ANKS3: variants seen among roughly 807,000 people sequenced by gnomAD.
ANKS3 encodes ankyrin repeat and SAM domain-containing protein 3.
A neutral mutation model predicts 80.7 loss-of-function variants in ANKS3; 62 were observed. The ratio of observed to expected loss-of-function variants is 0.77; its 90% confidence interval spans 0.63 to 0.95. The LOEUF (loss-of-function observed/expected upper bound fraction) is 0.95. Among genes scored for constraint, ANKS3 ranks in the 40% least tolerant of loss-of-function variants. ANKS3 has a pLI of 0.00. For missense variants in ANKS3, 1,150 were observed against 883.6 expected, an observed-to-expected ratio of 1.30 and a Z score of -3.82; for synonymous variants, 489 against 355.3, an observed-to-expected ratio of 1.38 and a Z score of -4.23.
Position 4,733,987 on chromosome 16 carries a change from A to G in ANKS3, c.-120T>C. 4 of 985,484 alleles carry G rather than the reference A, an allele frequency of 4.1e-6. No homozygotes were observed. The South Asian group carries it at 1.9e-4, about 46-fold the overall frequency. The allele number at this position is 985,484 out of a possible 1,614,324, so 61.0% of individuals were successfully genotyped here. On this transcript the variant is annotated 5_prime_UTR_variant, in exon 1 of 18. It removes the in-frame stop codon of an upstream open reading frame in the 5' UTR. Transcript: ENST00000304283. ...CCGGCCACATCCCCACAGGAACGCT[A>G]CGGCGCACAGGGCATTACTGTGCCC...
At chr16:4,726,515 G>T in intron 5 of ANKS3, 144 bp downstream of exon 5, 1 of 774,894 alleles carries the variant, frequency 1.3e-6, no homozygotes, top group South Asian at 1.8e-5. Flanking sequence ...TGCCTGGAAG[G>T]ACTCTGGTCC....
chr16:4,698,462 C>T lies in ANKS3; in HGVS notation c.1689G>A (p.Leu563=). The change falls in exon 14 of 18, where the codon CTG becomes CTA. Residue 563 remains leucine (L), a synonymous_variant. Coordinates refer to ENST00000304283, the MANE Select transcript of ANKS3 (RefSeq NM_133450.4). ...CCAGGACGAGGGCAGCATCCCGGGC[C>T]AGGGCCCACGTCTCCCGCAGCCGGG... ...LQARLRETWA[L]ARDAALVLDQ... The T allele has an allele frequency of 1.3e-6, 2 of 1,543,224 alleles. No homozygotes were observed. Among genetic ancestry groups the T allele is most frequent in the East Asian group, 2.4e-5 (1 of 42,014 alleles).
chr16:4,701,418 A>C lies in ANKS3; in HGVS notation c.1119+16T>G, dbSNP rs775894970. 3.8e-6 allele frequency: 6 copies of C among 1,580,906 alleles called. 1 individual carries two copies. The East Asian group carries it at 1.1e-4, about 30-fold the overall frequency. ...AGGGACCGGCTATGGGAGACCAAGA[A>C]AGAAAGAATCCGTACCTCGTTGCTC... On this transcript the variant is annotated intron_variant, in intron 10 of 17. Transcript: ENST00000304283.
intron 11 of ANKS3, chr16:4,699,957 A>AAGAAACATACTTAGGACACTACCCTGACC (rs1308441776): frequency 6.6e-6 from 1 of 152,346 alleles, no homozygotes; most frequent in African/African-American, 2.4e-5. Flanking sequence ...TATTTTCTGA[A>AAGAAACATACTTAGGACACTACCCTGACC]AGAAACATAC....
In ANKS3 at chr16:4,696,914, G is replaced by A. The variant is rs542470268; in HGVS notation, c.*12-18C>T. On this transcript the variant is annotated intron_variant, in intron 17 of 17. Coordinates refer to ENST00000304283, the MANE Select transcript of ANKS3 (RefSeq NM_133450.4). ...GTCAGATTCTGAAAGAAAAAGCCCCGGTGAGAAGGGAGGGGGACAGGTGGG... is the reference window on the plus strand; with the variant it reads ...GTCAGATTCTGAAAGAAAAAGCCCCAGTGAGAAGGGAGGGGGACAGGTGGG... 70 of 1,062,984 alleles carry A rather than the reference G, an allele frequency of 6.6e-5. No individual in the cohort carries two copies. The highest frequency in any genetic ancestry group is 6.4e-4 in the East Asian group (25 of 39,012). The allele number at this position is 1,062,984 out of a possible 1,614,324, so 65.8% of individuals were successfully genotyped here. A position where few individuals can be genotyped will look rare whatever the true frequency, so the allele number is the denominator to read the frequency against.
Position 4,699,088 on chromosome 16 carries a change from G to C in ANKS3, c.1373C>G (p.Thr458Ser). 6.2e-7 allele frequency: 1 copy of C among 1,614,172 alleles called. No individual in the cohort carries two copies. The change falls in exon 12 of 18, where the codon ACC (threonine) becomes AGC (serine). Residue 458 changes from threonine (T) to serine (S), a missense_variant. By Grantham distance (58) the Thr-to-Ser change is moderately conservative (BLOSUM62 1). Transcript: ENST00000304283. ...TTCCTTCAGGTCGCTCTCAGTGAGG[G>C]TCAGAAAGATGCGGAGGTCCACGTC... ...EQDVDLRIFL[T>S]LTESDLKEIG...
At chr16:4,703,225 A>T (rs1346580682) in intron 8 of ANKS3, among the ~76,000 whole-genome samples, 1 of 151,930 alleles carries the variant, frequency 6.6e-6, no homozygotes, top group African/African-American at 2.4e-5. Flanking sequence ...CAATCCTTCC[A>T]CCTCAGCCTC....
In ANKS3 at chr16:4,697,350, T is replaced by A. The variant is rs761888524; in HGVS notation, c.1877A>T (p.Asp626Val). 2.5e-6 allele frequency: 4 copies of A among 1,608,634 alleles called. No individual in the cohort carries two copies. Among genetic ancestry groups the A allele is most frequent in the Non-Finnish European group, 3.4e-6 (4 of 1,176,954 alleles). Residue 626 changes from aspartate to valine, a missense_variant, in exon 16 of 18, where the codon GAC (aspartate) becomes GTC (valine). Transcript: ENST00000304283. ...AGACTCACCCATCTCACGGACACGG[T>A]CCTCCAGGGCTCCCGAGAGCTCGGG... ...SLPELSGALEDRVREMGQALC... is the reference protein window; with the variant it reads ...SLPELSGALEVRVREMGQALC...
At chr16:4,717,966 G>T (rs1321694458) in intron 6 of ANKS3, among the ~76,000 whole-genome samples, 1 of 152,084 alleles carries the variant, frequency 6.6e-6, no homozygotes, top group East Asian at 1.9e-4. Context: ...CCGCTAATGG[G>T]GTTTCACCAT....
rs752218816 is a variant in ANKS3, at chr16:4,726,704, T to G, written c.446A>C (p.His149Pro). The G allele has an allele frequency of 6.2e-7, 1 of 1,614,238 alleles. No individual in the cohort carries two copies. The highest frequency in any genetic ancestry group is 8.5e-7 in the Non-Finnish European group (1 of 1,180,032). The part of the protein sequence containing the change: ...LFHCTSAGHQ[H>P]MVRFLLDSGA... ...ACTGTCCAAGAGGAACCTGACCATG[T>G]GCTGGTGCCCGGCGCTGGTACAGTG... is the stretch of plus-strand genomic sequence containing the variant. Residue 149 changes from histidine to proline, a missense_variant, in exon 5 of 18, where the codon CAC (histidine) becomes CCC (proline). Physicochemically the swap from His to Pro is moderately conservative, Grantham distance 77 (BLOSUM62 -2). Transcript: ENST00000304283.
chr16:4,720,868 C>T (rs2081052991), intron 6 of ANKS3, among the ~76,000 whole-genome samples: 2 of 149,992 alleles, frequency 1.3e-5, no homozygotes, highest in Non-Finnish European at 3.0e-5. Context: ...ACCTGGGAGG[C>T]AGAGGTTGCA....
chr16:4,724,863 G>C (rs1404541397), intron 5 of ANKS3, 32 bp from the exon 6 acceptor site: 19 of 1,608,684 alleles, frequency 1.2e-5, no homozygotes, highest in African/African-American at 2.7e-5. Context: ...CAGATGATTG[G>C]AAGAGACAAG....
chr16:4,698,834 G>A lies in ANKS3; in HGVS notation c.1517C>T (p.Ala506Val), dbSNP rs1158911946. The change falls in exon 13 of 18, where the codon GCT becomes GTT. Residue 506 changes from alanine to valine, a missense_variant. Transcript: ENST00000304283. The part of the protein sequence containing the change: ...LELAYADRLE[A>V]EMQELAIQLH... The stretch of plus-strand genomic sequence containing the variant: ...CTGGATGGCGAGCTCCTGCATCTCA[G>A]CCTCCAGCCGGTCGGCGTAGGCCAG... 14 of 1,607,486 alleles carry A rather than the reference G, an allele frequency of 8.7e-6. No individual in the cohort carries two copies. The East Asian group carries it at 2.9e-4, about 33-fold the overall frequency.
At chr16:4,697,952 T>C (rs767420863) in intron 15 of ANKS3, 25 bp downstream of exon 15, 20 of 1,547,814 alleles carry the variant, frequency 1.3e-5, no homozygotes, top group East Asian at 2.3e-5. Context: ...CTCTGCCCAG[T>C]GCGGAGTCAG....
chr16:4,714,114 T>C lies in ANKS3; in HGVS notation c.646A>G (p.Lys216Glu). The change falls in exon 7 of 18, where the codon AAG becomes GAG. Residue 216 changes from lysine (K) to glutamate (E), a missense_variant. Coordinates refer to ENST00000304283, the MANE Select transcript of ANKS3 (RefSeq NM_133450.4). ...TAAGTGTCCATCAAGGCCACGATCTTCATGTGTCCGTACTGCTTGGCCAGC... is the reference window on the plus strand; with the variant it reads ...TAAGTGTCCATCAAGGCCACGATCTCCATGTGTCCGTACTGCTTGGCCAGC... ...RMLAKQYGHM[K>E]IVALMDTYSP... The C allele has an allele frequency of 6.2e-7, 1 of 1,614,146 alleles. No individual in the cohort carries two copies. The highest frequency in any genetic ancestry group is 8.5e-7 in the Non-Finnish European group (1 of 1,180,030).
intron 3 of ANKS3, chr16:4,729,471 C>G (rs1362153857): frequency 6.6e-6 from 1 of 152,414 alleles, no homozygotes; most frequent in Non-Finnish European, 1.5e-5. Flanking sequence ...AGCGATTCTC[C>G]TGCCTCAGCC....
chr16:4,708,552 A>G (rs2080321388), intron 7 of ANKS3, among the ~76,000 whole-genome samples: 1 of 152,188 alleles, frequency 6.6e-6, no homozygotes, highest in Admixed American at 6.6e-5. Flanking sequence ...TTAAACAGAC[A>G]ATCAGTAGGT....
At chr16:4,718,518 G>C (rs1202027727) in intron 6 of ANKS3, among the ~76,000 whole-genome samples, 1 of 152,188 alleles carries the variant, frequency 6.6e-6, no homozygotes, top group African/African-American at 2.4e-5. Flanking sequence ...CCCTAGCAAA[G>C]AGCACAAGAT....
At chr16:4,717,845 G>C (rs1406512378) in intron 6 of ANKS3, among the ~76,000 whole-genome samples, 1 of 151,860 alleles carries the variant, frequency 6.6e-6, no homozygotes, top group Non-Finnish European at 1.5e-5. Context: ...ACCCAGGCTG[G>C]AGTGCAATGG....
Sources: gnomAD v4.1 joint callset for allele counts (sites outside exome capture counted in the v4.1 genomes callset) on GRCh38, gnomAD v4.1.1 for gene constraint, MANE v1.5 for transcripts, NCBI Gene and HGNC (gene_info 2026-07-23, HGNC 2026-07-21) for gene names.